The following UBE2Q1 variants were observed in gnomAD, a reference collection of about 807,000 sequenced individuals.
The protein encoded by UBE2Q1 is ubiquitin-conjugating enzyme E2 Q1.
In UBE2Q1, 6 loss-of-function variants were observed where a neutral mutation model predicts 60.1. That is an observed-to-expected ratio of 0.10 (90% CI 0.05 to 0.20). The LOEUF (loss-of-function observed/expected upper bound fraction) is 0.20, where lower values mean the gene tolerates loss of function less well. Among genes scored for constraint, UBE2Q1 ranks in the 10% least tolerant of loss-of-function variants. UBE2Q1 has a pLI of 1.00. For synonymous variants in UBE2Q1, 226 were observed against 208.3 expected, an observed-to-expected ratio of 1.09 and a Z score of -0.73; for missense variants, 262 against 525.8, an observed-to-expected ratio of 0.50 and a Z score of 4.91.
intron 4 of UBE2Q1, 91 bp from the exon 5 acceptor site, chr1:154,553,263 G>A (rs761454627): frequency 2.9e-5 from 43 of 1,503,914 alleles, no homozygotes; most frequent in East Asian, 2.8e-4. Context: ...CCCATTTGGC[G>A]AAGAGCCAAA....
At chr1:154,552,597 G>A in intron 6 of UBE2Q1, 133 bp from the exon 7 acceptor site, 1 of 1,429,594 alleles carries the variant, frequency 7.0e-7, no homozygotes, top group East Asian at 2.3e-5. Flanking sequence ...ATGCAACCAA[G>A]CCACTGGCTT....
intron 2 of UBE2Q1, 123 bp from the exon 3 acceptor site, chr1:154,555,655 T>G: frequency 9.8e-7 from 1 of 1,016,848 alleles, no homozygotes; most frequent in Non-Finnish European, 1.5e-6. Context: ...ATGGGCCACG[T>G]GGCTGTGGGA....
rs1337623971 is a variant in UBE2Q1, at chr1:154,555,971, G to A, written c.328-7C>T. ...GCACAGCAGGGTATGACTCCTGAAG[G>A]GAAAAGAGCAATAAGAGCAATCAAA... is the stretch of plus-strand genomic sequence containing the variant. On this transcript the variant is annotated splice_polypyrimidine_tract_variant and splice_region_variant and intron_variant, in intron 1 of 12. Transcript: ENST00000292211. 1.2e-6 allele frequency: 2 copies of A among 1,612,896 alleles called. No homozygotes were observed. The highest frequency in any genetic ancestry group is 1.7e-6 in the Non-Finnish European group (2 of 1,179,246).
In UBE2Q1 at chr1:154,550,444, G is replaced by A. The variant is rs1695774739; in HGVS notation, c.1263C>T (p.Asp421=). The A allele has an allele frequency of 4.3e-6, 7 of 1,614,064 alleles. No homozygotes were observed. The highest frequency in any genetic ancestry group is 1.7e-6 in the Non-Finnish European group (2 of 1,179,990). The change falls in exon 13 of 13, where the codon GAC becomes GAT. Residue 421 remains aspartate (D), a synonymous_variant. Transcript: ENST00000292211. ...KNGWYTPPKE[D]G ...GAAGGGTGATACTCCAGGGTTAGCC[G>A]TCTTCTTTTGGGGGTGTGTACCAGC...
Position 154,550,222 on chromosome 1 carries a change from GGTCT to G in UBE2Q1, c.*212_*215del. ...AAGGGTTCCAGCAAGGTGGTTGGTT[GGTCT>G]GTAAGTCAGTCTTGAGTACTTGAAA... On this transcript the variant is annotated 3_prime_UTR_variant, in exon 13 of 13. Transcript: ENST00000292211. 1.7e-6 allele frequency: 1 copy of G among 573,204 alleles called. No individual in the cohort carries two copies. 35.5% of individuals were successfully genotyped at this position (573,204 alleles called of 1,614,324 possible).
chr1:154,550,370 C>A lies in UBE2Q1; in HGVS notation c.*68G>T. 6.2e-7 allele frequency: 1 copy of A among 1,604,802 alleles called. No homozygotes were observed. Among genetic ancestry groups the A allele is most frequent in the Non-Finnish European group, 8.5e-7 (1 of 1,172,770 alleles). On this transcript the variant is annotated 3_prime_UTR_variant, in exon 13 of 13. Transcript: ENST00000292211. ...GGAACCACAGAGGCAGCGTGAGATC[C>A]AAATACAGCATTCAAAGGTAATTGG...
In UBE2Q1 at chr1:154,549,644, C is replaced by A. The variant is rs1343120440; in HGVS notation, c.*794G>T. ...GAATTCTACGAAGCAGCCTCTTGAG[C>A]CTCATTTTCTTTTTCTTAGAAATTT... On this transcript the variant is annotated 3_prime_UTR_variant, in exon 13 of 13. Coordinates refer to ENST00000292211, the MANE Select transcript of UBE2Q1 (RefSeq NM_017582.7). 1 of 152,690 alleles carries A rather than the reference C, an allele frequency of 6.5e-6. No individual in the cohort carries two copies. The highest frequency in any genetic ancestry group is 1.9e-4 in the East Asian group (1 of 5,204). The allele number at this position is 152,690 out of a possible 1,614,324, so 9.5% of individuals were successfully genotyped here.
At chr1:154,552,929 C>T (rs1379545103) in intron 5 of UBE2Q1, 103 bp downstream of exon 5, 19 of 1,584,534 alleles carry the variant, frequency 1.2e-5, no homozygotes, top group Non-Finnish European at 1.6e-5. Context: ...AAGGATTAGG[C>T]ACAAAAAAGG....
At position 154,558,140 on chromosome 1, in the gene UBE2Q1, G is replaced by A; in HGVS notation, c.327+87C>T. 4 of 1,165,214 alleles carry A rather than the reference G, an allele frequency of 3.4e-6. No homozygotes were observed. The South Asian group carries it at 6.6e-5, about 19-fold the overall frequency. The allele number at this position is 1,165,214 out of a possible 1,614,324, so 72.2% of individuals were successfully genotyped here. On this transcript the variant is annotated intron_variant, in intron 1 of 12. Coordinates refer to ENST00000292211, the MANE Select transcript of UBE2Q1 (RefSeq NM_017582.7). ...CCCTGAGAGGGGCTTCGGCCTCCCA[G>A]GTCCTTCGAGAGCAAAAAGCTGGAT...
intron 12 of UBE2Q1, 111 bp downstream of exon 12, chr1:154,550,827 T>C (rs1695780141): frequency 6.3e-7 from 1 of 1,592,558 alleles, no homozygotes; most frequent in Non-Finnish European, 8.5e-7. Context: ...GCTGTGTTAA[T>C]GGGTGGTTGA....
At chr1:154,555,630 A>T in intron 2 of UBE2Q1, 98 bp from the exon 3 acceptor site, 1 of 1,197,806 alleles carries the variant, frequency 8.3e-7, no homozygotes, top group Non-Finnish European at 1.2e-6. Context: ...ACCAATAACT[A>T]GTTCTCTAAG....
rs964265248 is a variant in UBE2Q1 at position 154,549,537 on chromosome 1, T to G, written c.*901A>C. The G allele has an allele frequency of 6.5e-5, 10 of 152,672 alleles. No homozygotes were observed. Among genetic ancestry groups the G allele is most frequent in the Non-Finnish European group, 8.8e-5 (6 of 68,090 alleles). 9.5% of individuals were successfully genotyped at this position (152,672 alleles called of 1,614,324 possible). A position where few individuals can be genotyped will look rare whatever the true frequency, so the allele number is the denominator to read the frequency against. On this transcript the variant is annotated 3_prime_UTR_variant, in exon 13 of 13. Coordinates refer to ENST00000292211, the MANE Select transcript of UBE2Q1 (RefSeq NM_017582.7). ...GAGGAACCAATGAACAGCGAAGAGT[T>G]GCAGCCACACAGCTGAGATCAGAAA...
intron 4 of UBE2Q1, chr1:154,554,518 A>G (rs1462908189): frequency 4.7e-6 from 2 of 428,818 alleles, no homozygotes; most frequent in Non-Finnish European, 8.5e-6. Context: ...TAACTTACCC[A>G]GTATTTGGTT....
intron 11 of UBE2Q1, 86 bp from the exon 12 acceptor site, chr1:154,551,090 C>T: frequency 6.7e-7 from 1 of 1,490,808 alleles, no homozygotes; most frequent in Non-Finnish European, 9.3e-7. Flanking sequence ...CCCAGAGACC[C>T]CAGAGTCCCA....
chr1:154,551,533 G>A (rs763668763), intron 10 of UBE2Q1, 41 bp from the exon 11 acceptor site: 1 of 1,598,054 alleles, frequency 6.3e-7, no homozygotes, highest in Non-Finnish European at 8.6e-7. Flanking sequence ...TCCAGATGGA[G>A]CTTCCAGAGA....
rs774970042 is a variant in UBE2Q1, at chr1:154,551,997, G to A, written c.967-18C>T. 42 of 1,613,920 alleles carry A rather than the reference G, an allele frequency of 2.6e-5. No individual in the cohort carries two copies. Among genetic ancestry groups the A allele is most frequent in the Middle Eastern group, 3.3e-4 (2 of 6,062 alleles). On this transcript the variant is annotated intron_variant, in intron 8 of 12. Transcript: ENST00000292211. ...AAGTTATCCTGAGAGAGAGAGAGAC[G>A]ACAATCAGGGGAGGGAGGCCAGCAT... is the stretch of plus-strand genomic sequence containing the variant.
Position 154,558,315 on chromosome 1 carries a change from C to T in UBE2Q1, c.239G>A (p.Gly80Glu). 6.3e-7 allele frequency: 1 copy of T among 1,582,750 alleles called. No individual in the cohort carries two copies. The highest frequency in any genetic ancestry group is 8.6e-7 in the Non-Finnish European group (1 of 1,167,850). ...SCEFLLAGAG[G>E]AGAGAAPGPH... ...TCCGGGCGCGGCCCCCGCCCCGGCCCCTCCGGCCCCAGCCAGCAGGAACTC... is the reference window on the plus strand; with the variant it reads ...TCCGGGCGCGGCCCCCGCCCCGGCCTCTCCGGCCCCAGCCAGCAGGAACTC... The change falls in exon 1 of 13, where the codon GGG (glycine) becomes GAG (glutamate). Residue 80 changes from glycine (G) to glutamate (E), a missense_variant. Gly to Glu is a moderately conservative substitution (Grantham distance 98). Transcript: ENST00000292211.
intron 3 of UBE2Q1, chr1:154,555,064 A>AC (rs1451628497): frequency 1.5e-5 from 8 of 524,244 alleles, no homozygotes; most frequent in African/African-American, 1.3e-4. Context: ...TCTCCTAAGA[A>AC]CCCCTCCTTT....
At chr1:154,552,652 ACCCCAGAACCTCTTGGG>A in intron 6 of UBE2Q1, 67 bp downstream of exon 6, 1 of 1,523,126 alleles carries the variant, frequency 6.6e-7, no homozygotes, top group Non-Finnish European at 8.9e-7. Context: ...GCACTCCTGG[ACCCCAGAACCTCTTGGG>A]CCCCTTGCCA....
Sources: gnomAD v4.1 joint callset for allele counts on GRCh38, gnomAD v4.1.1 for gene constraint, MANE v1.5 for transcripts, NCBI Gene and HGNC (gene_info 2026-07-23, HGNC 2026-07-21) for gene names.